PACSIN1: variants seen among roughly 807,000 people sequenced by gnomAD.
The protein encoded by PACSIN1 is protein kinase C and casein kinase substrate in neurons 1, also known as protein kinase C and casein kinase substrate in neurons protein 1.
Under a neutral mutation model 59.5 loss-of-function variants are expected in PACSIN1, and 15 were observed. The ratio of observed to expected loss-of-function variants is 0.25; its 90% CI spans 0.17 to 0.39. The LOEUF is 0.39. Ranked by LOEUF, PACSIN1 falls within the 10% of genes least tolerant of loss-of-function variation. PACSIN1 has a pLI of 1.00. For synonymous variants in PACSIN1, 210 were observed against 220.6 expected, an observed-to-expected ratio of 0.95 and a Z score of 0.42; for missense variants, 420 against 580.2, an observed-to-expected ratio of 0.72 and a Z score of 2.84.
At chr6:34,493,653 T>C (rs1002375118) in intron 1 of PACSIN1, among the ~76,000 whole-genome samples, 1 of 152,230 alleles carries the variant, frequency 6.6e-6, no homozygotes, top group African/African-American at 2.4e-5. Flanking sequence ...GGGGAACCAG[T>C]GCTCCCCAAT....
At chr6:34,467,692 G>A (rs1422409567) in intron 1 of PACSIN1, among the ~76,000 whole-genome samples, 1 of 151,704 alleles carries the variant, frequency 6.6e-6, no homozygotes, top group African/African-American at 2.4e-5. Flanking sequence ...CTGAGTAGCT[G>A]GAATTACAGG....
intron 1 of PACSIN1, among the ~76,000 whole-genome samples, chr6:34,489,377 G>C (rs566715495): frequency 6.6e-6 from 1 of 152,178 alleles, no homozygotes; most frequent in South Asian, 2.1e-4. Context: ...CTGTACAGTA[G>C]AGCTCTTGGT....
At chr6:34,502,044 A>AG (rs1227191082) in intron 1 of PACSIN1, among the ~76,000 whole-genome samples, 1 of 151,714 alleles carries the variant, frequency 6.6e-6, no homozygotes, top group African/African-American at 2.4e-5. Flanking sequence ...AAAAAAAAAA[A>AG]AAAAAAAAGC....
chr6:34,528,665 C>A lies in PACSIN1; in HGVS notation c.244C>A (p.Arg82=), dbSNP rs752269353. ...EKGPQYGSLE[R]AWGAIMTEAD... Reference sequence around the variant, plus strand: ...AGGCCCACAGTATGGCAGCCTGGAGCGGGCCTGGGGTGCCATAATGACAGA... The same window carrying A: ...AGGCCCACAGTATGGCAGCCTGGAGAGGGCCTGGGGTGCCATAATGACAGA... Residue 82 remains arginine, a synonymous_variant, in exon 4 of 10, where the codon CGG becomes AGG. Transcript: ENST00000244458. 1 of 1,613,750 alleles carries A rather than the reference C, an allele frequency of 6.2e-7. No homozygotes were observed.
At chr6:34,504,283 TA>T (rs1767073241) in intron 1 of PACSIN1, among the ~76,000 whole-genome samples, 45 of 83,472 alleles carry the variant, frequency 5.4e-4, no homozygotes, top group African/African-American at 2.6e-3. Context: ...TATATATATA[TA>T]TATATATTTT....
In PACSIN1 at chr6:34,516,591, C is replaced by T. The variant is rs1346495809; in HGVS notation, c.-63-9652C>T. 6.6e-6 allele frequency among the ~76,000 whole-genome samples: 1 copy of T among 152,104 alleles called. No homozygotes were observed. The highest frequency in any genetic ancestry group is 1.5e-5 in the Non-Finnish European group (1 of 67,998). ...CCACTGGAGCAGGGGCTGGTGAGGCCTGGAGGGCAGGTTCTTTGGGTGAGA... is the reference window on the plus strand; with the variant it reads ...CCACTGGAGCAGGGGCTGGTGAGGCTTGGAGGGCAGGTTCTTTGGGTGAGA... On this transcript the variant is annotated intron_variant, in intron 1 of 9. Transcript: ENST00000244458. This position sits in a 1 kb window ranked among gnomAD's most constrained non-coding sequence, Gnocchi z 5.4.
intron 1 of PACSIN1, among the ~76,000 whole-genome samples, chr6:34,497,115 A>AT (rs1242891081): frequency 6.0e-5 from 9 of 151,142 alleles, no homozygotes; most frequent in South Asian, 2.1e-4. Context: ...CACCTGGCTG[A>AT]TTTTTTTTAT....
chr6:34,473,556 C>T (rs980547618), intron 1 of PACSIN1, among the ~76,000 whole-genome samples: 1 of 152,074 alleles, frequency 6.6e-6, no homozygotes, highest in Non-Finnish European at 1.5e-5. Context: ...GGGGTCTAGC[C>T]TTGACCAGCC....
intron 1 of PACSIN1, among the ~76,000 whole-genome samples, chr6:34,477,951 C>T (rs1410660160): frequency 1.3e-5 from 2 of 151,300 alleles, no homozygotes; most frequent in Non-Finnish European, 2.9e-5. Flanking sequence ...CAGGGTCTTC[C>T]CATGTTGCCC....
intron 1 of PACSIN1, among the ~76,000 whole-genome samples, chr6:34,486,398 G>T (rs1766794292): frequency 6.6e-6 from 1 of 152,122 alleles, no homozygotes; most frequent in Non-Finnish European, 1.5e-5. Flanking sequence ...AACAGGAAGG[G>T]GGCCAGGTAA....
chr6:34,468,044 G>C (rs144353350), intron 1 of PACSIN1, among the ~76,000 whole-genome samples: 137 of 152,292 alleles, frequency 9.0e-4, no homozygotes, highest in African/African-American at 3.1e-3. Flanking sequence ...TCTTCCCGGG[G>C]TGCCAACTTT....
intron 1 of PACSIN1, among the ~76,000 whole-genome samples, chr6:34,497,264 T>A (rs11967985): frequency 0.024 from 3,598 of 152,068 alleles, 144 homozygotes; most frequent in African/African-American, 0.076. Context: ...GTGCATCTCT[T>A]AGGGTTGTTG....
At chr6:34,493,107 A>G (rs1426312215) in intron 1 of PACSIN1, among the ~76,000 whole-genome samples, 2 of 152,140 alleles carry the variant, frequency 1.3e-5, no homozygotes, top group Non-Finnish European at 2.9e-5. Context: ...CAAGCAAGGG[A>G]TCCAGGCCTG....
intron 1 of PACSIN1, among the ~76,000 whole-genome samples, chr6:34,520,776 C>T (rs946940664): frequency 1.3e-5 from 2 of 151,552 alleles, no homozygotes; most frequent in Admixed American, 6.6e-5. Context: ...ACCCTGGAAC[C>T]GGGCCCTGAG....
In PACSIN1 at chr6:34,526,225, T is replaced by A. The variant is rs988649293; in HGVS notation, c.-63-18T>A. On this transcript the variant is annotated intron_variant, in intron 1 of 9. Coordinates refer to ENST00000244458, the MANE Select transcript of PACSIN1 (RefSeq NM_020804.5). ...GGCCCTTCCCTCATCTCCAGGGATCTCTCTCCTGCCCTCCCAGTGCATGAG... is the reference window on the plus strand; with the variant it reads ...GGCCCTTCCCTCATCTCCAGGGATCACTCTCCTGCCCTCCCAGTGCATGAG... 1.3e-5 allele frequency: 16 copies of A among 1,205,416 alleles called. No individual in the cohort carries two copies. In the African/African-American group the frequency reaches 1.8e-4, roughly 14 times the overall value. The allele number at this position is 1,205,416 out of a possible 1,614,324, so 74.7% of individuals were successfully genotyped here.
intron 1 of PACSIN1, among the ~76,000 whole-genome samples, chr6:34,520,657 C>T (rs770408407): frequency 1.1e-4 from 16 of 152,178 alleles, no homozygotes; most frequent in African/African-American, 1.4e-4. Context: ...ACACAGTAGG[C>T]GCTCAAAAAT....
chr6:34,524,758 G>T (rs549884705), intron 1 of PACSIN1, among the ~76,000 whole-genome samples: 2 of 152,150 alleles, frequency 1.3e-5, no homozygotes, highest in Non-Finnish European at 1.5e-5. Context: ...CCGGGTGAAG[G>T]GTGTGTACCC....
intron 1 of PACSIN1, among the ~76,000 whole-genome samples, chr6:34,505,492 GT>G (rs1767097707): frequency 7.1e-6 from 1 of 140,554 alleles, no homozygotes; most frequent in Non-Finnish European, 1.5e-5. Flanking sequence ...TTCTATTTTA[GT>G]TCCACAGGTT....
At chr6:34,526,447 C>G in intron 2 of PACSIN1, 79 bp downstream of exon 2, 2 of 1,218,772 alleles carry the variant, frequency 1.6e-6, no homozygotes, top group East Asian at 2.4e-5. Flanking sequence ...TCACTCACCC[C>G]ATGACCTCAG....
Sources: gnomAD v4.1 joint callset for allele counts (sites outside exome capture counted in the v4.1 genomes callset) on GRCh38, gnomAD v4.1.1 for gene constraint, Gnocchi (gnomAD v3.1) non-coding constraint, MANE v1.5 for transcripts, NCBI Gene and HGNC (gene_info 2026-07-23, HGNC 2026-07-21) for gene names.